The following PTPRN2 variants were observed in gnomAD, a reference collection of about 807,000 sequenced individuals.
PTPRN2 encodes receptor-type tyrosine-protein phosphatase N2.
In PTPRN2, 74 loss-of-function variants were observed where a neutral mutation model predicts 118.8. The observed-to-expected ratio is 0.62, with a 90% CI of 0.52 to 0.76. The LOEUF (loss-of-function observed/expected upper bound fraction) is 0.76. Ranked by LOEUF, PTPRN2 falls within the 30% of genes least tolerant of loss-of-function variation. The probability of loss-of-function intolerance (pLI) is 0.00; values close to 1 mark genes in which losing one functional copy is unlikely to be tolerated. For missense variants in PTPRN2, 1,481 were observed against 1,394.4 expected, an observed-to-expected ratio of 1.06 and a Z score of -0.99; for synonymous variants, 641 against 608.0, an observed-to-expected ratio of 1.05 and a Z score of -0.80.
At chr7:157,686,086 C>G (rs1396333573) in intron 12 of PTPRN2, among the ~76,000 whole-genome samples, 1 of 152,202 alleles carries the variant, frequency 6.6e-6, no homozygotes, top group African/African-American at 2.4e-5. Context: ...CGAGGAGGGT[C>G]TTACTGCAGG....
At chr7:157,584,685 A>G (rs2150542764) in intron 17 of PTPRN2, among the ~76,000 whole-genome samples, 1 of 152,372 alleles carries the variant, frequency 6.6e-6, no homozygotes, top group Middle Eastern at 3.4e-3. Context: ...GTTTAGACTT[A>G]TAAAGAAGAT....
At chr7:157,905,136 C>A (rs1797701331) in intron 11 of PTPRN2, among the ~76,000 whole-genome samples, 1 of 152,214 alleles carries the variant, frequency 6.6e-6, no homozygotes, top group Non-Finnish European at 1.5e-5. Flanking sequence ...TTTGCCCACA[C>A]CTGTGTAACT....
At chr7:158,386,320 G>A (rs867004211) in intron 2 of PTPRN2, among the ~76,000 whole-genome samples, 15 of 103,992 alleles carry the variant, frequency 1.4e-4, no homozygotes, top group African/African-American at 1.6e-4. Context: ...CCCTCCTCCC[G>A]TGCCGAGTCC....
At chr7:158,357,420 C>G (rs2151280596) in intron 2 of PTPRN2, among the ~76,000 whole-genome samples, 1 of 152,326 alleles carries the variant, frequency 6.6e-6, no homozygotes, top group East Asian at 1.9e-4. Context: ...CCATCACAGA[C>G]ACAAATGGTG....
At chr7:158,132,317 C>A (rs993122596) in intron 9 of PTPRN2, among the ~76,000 whole-genome samples, 3 of 151,500 alleles carry the variant, frequency 2.0e-5, no homozygotes, top group Admixed American at 2.0e-4. Context: ...CATACACACT[C>A]ATACACACAC....
At position 158,308,052 on chromosome 7, in the gene PTPRN2, C is replaced by T. The variant is rs192157111; in HGVS notation, c.277+8767G>A. 7.7e-3 allele frequency among the ~76,000 whole-genome samples: 1,176 copies of T among 152,262 alleles called. 16 individuals carry two copies. The highest frequency in any genetic ancestry group is 0.027 in the African/African-American group (1,104 of 41,530). On this transcript the variant is annotated intron_variant, in intron 3 of 22. Coordinates refer to ENST00000389418, the MANE Select transcript of PTPRN2 (RefSeq NM_002847.5). ...ACCTTGAACTTCTCAGCCCAGATAC[C>T]TGTAATAAATAAATTCCTTTTCTTT...
chr7:158,083,235 G>A (rs950224622), intron 10 of PTPRN2, among the ~76,000 whole-genome samples: 5 of 152,066 alleles, frequency 3.3e-5, no homozygotes, highest in East Asian at 3.9e-4. Flanking sequence ...TTTCTGCCAC[G>A]GCCTCACCCA....
rs1488800019 is a variant in PTPRN2, at chr7:158,158,548, G to A, written c.910+8383C>T. 1.3e-5 allele frequency among the ~76,000 whole-genome samples: 2 copies of A among 150,044 alleles called. 1 individual carries two copies. Among genetic ancestry groups the A allele is most frequent in the African/African-American group, 4.9e-5 (2 of 40,662 alleles). ...CTTTCTGAGTGAATGAGTGAACTCA[G>A]GAGAATCAGGAGCCCGTGTGATTGG... On this transcript the variant is annotated intron_variant, in intron 6 of 22. Coordinates refer to ENST00000389418, the MANE Select transcript of PTPRN2 (RefSeq NM_002847.5).
At chr7:158,040,736 C>CTTTTTTTTTTTTTTTTTTTTTTTTTTTT (rs58192875) in intron 11 of PTPRN2, among the ~76,000 whole-genome samples, 1 of 142,206 alleles carries the variant, frequency 7.0e-6, no homozygotes, top group African/African-American at 2.6e-5. Context: ...TTTTTTCTTT[C>CTTTTTTTTTTTTTTTTTTTTTTTTTTTT]TTTTTTTTTT....
chr7:157,637,133 C>T (rs1804369260), intron 14 of PTPRN2, among the ~76,000 whole-genome samples: 1 of 152,148 alleles, frequency 6.6e-6, no homozygotes, highest in Non-Finnish European at 1.5e-5. Context: ...TTGACTCTAG[C>T]TTCGAACATA....
At chr7:157,578,832 A>T (rs778180284) in intron 17 of PTPRN2, among the ~76,000 whole-genome samples, 19 of 152,248 alleles carry the variant, frequency 1.2e-4, no homozygotes, top group Non-Finnish European at 2.1e-4. Flanking sequence ...ACATCTTAAC[A>T]TTTACAGCCT....
chr7:157,754,990 A>G (rs746367292), intron 12 of PTPRN2, among the ~76,000 whole-genome samples: 3 of 152,142 alleles, frequency 2.0e-5, no homozygotes, highest in Non-Finnish European at 2.9e-5. Context: ...GGCTCAAGCC[A>G]TCCTCCCACC....
At chr7:158,372,271 A>ATCCCCCCAATGCTGGTCCCCGGAGCTGG (rs1810082761) in intron 2 of PTPRN2, among the ~76,000 whole-genome samples, 1 of 32,522 alleles carries the variant, frequency 3.1e-5, no homozygotes, top group Non-Finnish European at 6.6e-5. Context: ...CCCAGAGCTG[A>ATCCCCCCAATGCTGGTCCCCGGAGCTGG]TCCCCCCAAC....
At chr7:157,551,908 AGCATGCACCCCATGGGCACCACGCACC>A in intron 21 of PTPRN2, among the ~76,000 whole-genome samples, 1 of 140,594 alleles carries the variant, frequency 7.1e-6, no homozygotes, top group Non-Finnish European at 1.5e-5. Context: ...CCCCACAGCC[AGCATGCACCCCATGGGCACCACGCACC>A]CCACAGCCAC....
In PTPRN2 at chr7:158,098,315, C is replaced by G. The variant is rs73748058; in HGVS notation, c.1643+12514G>C. Among the ~76,000 whole-genome samples, 1,319 of 152,308 alleles carry G rather than the reference C, an allele frequency of 8.7e-3. 20 individuals are homozygous for G. The highest frequency in any genetic ancestry group is 0.03 in the African/African-American group (1,246 of 41,578). ...CGGGTGAGGCCACCGGGGGGGCTCC[C>G]TGGGGAGGAGGTGGAGAGGTCCAGA... On this transcript the variant is annotated intron_variant, in intron 10 of 22. Transcript: ENST00000389418.
At chr7:158,413,633 A>G (rs543383252) in intron 2 of PTPRN2, among the ~76,000 whole-genome samples, 1 of 152,348 alleles carries the variant, frequency 6.6e-6, no homozygotes, top group South Asian at 2.1e-4. Context: ...TCAGCAGGCG[A>G]GCCCACCCCT....
In PTPRN2 at chr7:157,873,829, C is replaced by T. The variant is rs570351794; in HGVS notation, c.1788+24844G>A. On this transcript the variant is annotated intron_variant, in intron 12 of 22. Transcript: ENST00000389418. ...TGGGGGCACAGGTCAGCAGGGGGCA[C>T]CTGGGAGAGAAGAGGAGGTGGAAAG... 4.9e-3 allele frequency among the ~76,000 whole-genome samples: 752 copies of T among 152,172 alleles called. 1 individual carries two copies. Among genetic ancestry groups the T allele is most frequent in the Non-Finnish European group, 7.7e-3 (524 of 68,010 alleles).
intron 1 of PTPRN2, among the ~76,000 whole-genome samples, chr7:158,491,324 C>T (rs1157322249): frequency 6.6e-6 from 1 of 152,182 alleles, no homozygotes; most frequent in Non-Finnish European, 1.5e-5. Flanking sequence ...CAGCCCTGGC[C>T]TGCCCAGCCA....
In PTPRN2 at chr7:158,340,659, ACG is replaced by A. The variant is rs1406302011; in HGVS notation, c.164-23729_164-23728del. Among the ~76,000 whole-genome samples, 11 of 100,166 alleles carry A rather than the reference ACG, an allele frequency of 1.1e-4. No individual in the cohort carries two copies. The South Asian group carries it at 1.1e-3, about 10-fold the overall frequency. The allele number at this position is 100,166 out of a possible 152,430, so 65.7% of individuals were successfully genotyped here. ...TAGCCATAAGAGCTGACGCCCGCAG[ACG>A]TCACTCACACCCACACTCTCACCAT... On this transcript the variant is annotated intron_variant, in intron 2 of 22. Coordinates refer to ENST00000389418, the MANE Select transcript of PTPRN2 (RefSeq NM_002847.5).
Sources: allele counts gnomAD v4.1 joint callset (sites outside exome capture counted in the v4.1 genomes callset), GRCh38; gene constraint gnomAD v4.1.1; transcripts MANE v1.5; gene names NCBI Gene and HGNC (gene_info 2026-07-23, HGNC 2026-07-21).